THSD7A: variants seen among roughly 807,000 people sequenced by gnomAD.
The protein encoded by THSD7A is thrombospondin type 1 domain containing 7A, also known as thrombospondin type-1 domain-containing protein 7A.
A neutral mutation model predicts 231.3 loss-of-function variants in THSD7A; 96 were observed. That is an observed-to-expected ratio of 0.41 (90% CI 0.35 to 0.49). THSD7A has a LOEUF of 0.49. Ranked by LOEUF, THSD7A falls within the 20% of genes least tolerant of loss-of-function variation. The pLI is 0.05. For missense variants in THSD7A, 2,290 were observed against 2,070.2 expected, an observed-to-expected ratio of 1.11 and a Z score of -2.06; for synonymous variants, 940 against 743.3, an observed-to-expected ratio of 1.26 and a Z score of -4.30.
chr7:11,733,145 G>A (rs2355074), intron 1 of THSD7A, among the ~76,000 whole-genome samples: 110,837 of 151,600 alleles, frequency 0.73, 40,587 homozygotes, highest in South Asian at 0.79. Context: ...CCTCTGCTGG[G>A]TCCTGTCCTG....
rs149265687 is a variant in THSD7A at position 11,596,728 on chromosome 7, G to A, written c.1023-3226C>T. Among the ~76,000 whole-genome samples the A allele has an allele frequency of 4.3e-3, 649 of 152,336 alleles. 2 individuals carry two copies. Among genetic ancestry groups the A allele is most frequent in the African/African-American group, 5.5e-3 (229 of 41,580 alleles). On this transcript the variant is annotated intron_variant, in intron 2 of 27. Coordinates refer to ENST00000423059, the MANE Select transcript of THSD7A (RefSeq NM_015204.3). ...CATTTGGCCTGTGCAGAAGACAGAT[G>A]GATCTTGGAGAATGACAGTGGATTA...
intron 1 of THSD7A, among the ~76,000 whole-genome samples, chr7:11,688,418 A>G (rs939763247): frequency 5.3e-5 from 8 of 151,804 alleles, no homozygotes; most frequent in African/African-American, 1.9e-4. Flanking sequence ...TTAAAACTCA[A>G]TCGCTTATAG....
intron 2 of THSD7A, among the ~76,000 whole-genome samples, chr7:11,607,792 G>A (rs1780781853): frequency 6.6e-6 from 1 of 152,060 alleles, no homozygotes; most frequent in Admixed American, 6.6e-5. Context: ...TAAAAACAGA[G>A]GTCTTTTCCC....
intron 1 of THSD7A, among the ~76,000 whole-genome samples, chr7:11,726,712 C>T (rs1366365240): frequency 6.6e-6 from 1 of 152,012 alleles, no homozygotes; most frequent in Non-Finnish European, 1.5e-5. Context: ...GCTGTTTTAT[C>T]TGCAAATACC....
chr7:11,617,112 CA>C (rs1781133434), intron 2 of THSD7A, among the ~76,000 whole-genome samples: 1 of 152,144 alleles, frequency 6.6e-6, no homozygotes, highest in South Asian at 2.1e-4. Context: ...AAGACTTCCT[CA>C]AACCAAAAGT....
intron 1 of THSD7A, among the ~76,000 whole-genome samples, chr7:11,700,799 G>A (rs183087789): frequency 6.6e-4 from 100 of 151,002 alleles, no homozygotes; most frequent in African/African-American, 1.5e-3. Flanking sequence ...ATTCATGACC[G>A]CTCCACAGCC....
chr7:11,788,723 A>G (rs1783863401), intron 1 of THSD7A, among the ~76,000 whole-genome samples: 1 of 151,996 alleles, frequency 6.6e-6, no homozygotes, highest in Non-Finnish European at 1.5e-5. Context: ...TTTCATTTTT[A>G]CTACTCACTT....
intron 13 of THSD7A, among the ~76,000 whole-genome samples, chr7:11,433,350 T>C (rs770826574): frequency 6.6e-6 from 1 of 151,956 alleles, no homozygotes; most frequent in African/African-American, 2.4e-5. Flanking sequence ...GCCCAAAAAA[T>C]AACTCTTCTT....
At chr7:11,716,857 T>C (rs1584253741) in intron 1 of THSD7A, among the ~76,000 whole-genome samples, 1 of 151,688 alleles carries the variant, frequency 6.6e-6, no homozygotes, top group East Asian at 2.0e-4. Flanking sequence ...AAAAAGCGTA[T>C]GTAATACAAA....
chr7:11,644,853 C>G (rs1018241314), intron 1 of THSD7A, among the ~76,000 whole-genome samples: 1 of 151,826 alleles, frequency 6.6e-6, no homozygotes, highest in Non-Finnish European at 1.5e-5. Flanking sequence ...AAGCTAAGTA[C>G]CAATAGTATG....
intron 1 of THSD7A, among the ~76,000 whole-genome samples, chr7:11,734,126 A>G (rs1257116215): frequency 2.6e-5 from 4 of 151,902 alleles, no homozygotes; most frequent in Non-Finnish European, 5.9e-5. Context: ...CCCAAATCCA[A>G]GGAAATTCAA....
intron 7 of THSD7A, among the ~76,000 whole-genome samples, chr7:11,480,875 A>C (rs2128304559): frequency 6.6e-6 from 1 of 152,288 alleles, no homozygotes; most frequent in South Asian, 2.1e-4. Context: ...AAAACATAAA[A>C]TGTTATGCTT....
At chr7:11,519,147 G>A (rs1360043636) in intron 6 of THSD7A, among the ~76,000 whole-genome samples, 1 of 150,844 alleles carries the variant, frequency 6.6e-6, no homozygotes, top group African/African-American at 2.5e-5. Context: ...AAAAGTTATA[G>A]ACAGTAATGT....
At chr7:11,669,051 A>G (rs1783269650) in intron 1 of THSD7A, among the ~76,000 whole-genome samples, 1 of 152,138 alleles carries the variant, frequency 6.6e-6, no homozygotes, top group South Asian at 2.1e-4. Flanking sequence ...CAAACTATTT[A>G]TTACTTAGTA....
intron 13 of THSD7A, among the ~76,000 whole-genome samples, chr7:11,441,430 T>C (rs756770921): frequency 2.6e-5 from 4 of 152,010 alleles, no homozygotes; most frequent in Non-Finnish European, 5.9e-5. Flanking sequence ...ACCTCTAAGA[T>C]TGTTTAAAAT....
At chr7:11,515,616 T>G (rs1295010963) in intron 6 of THSD7A, among the ~76,000 whole-genome samples, 1 of 152,112 alleles carries the variant, frequency 6.6e-6, no homozygotes, top group South Asian at 2.1e-4. Context: ...GCTATTGTCA[T>G]AGAAAATTAA....
intron 9 of THSD7A, among the ~76,000 whole-genome samples, chr7:11,466,380 ATTTAC>A (rs1451564732): frequency 6.6e-6 from 1 of 152,058 alleles, no homozygotes. Flanking sequence ...ACCTCATGCC[ATTTAC>A]TTTATTTTCT....
intron 1 of THSD7A, among the ~76,000 whole-genome samples, chr7:11,664,837 T>A (rs907754493): frequency 3.3e-5 from 5 of 152,026 alleles, no homozygotes; most frequent in African/African-American, 9.7e-5. Flanking sequence ...CTTGAGAGCC[T>A]CTTATCTCTG....
chr7:11,774,666 A>G (rs1003364408), intron 1 of THSD7A, among the ~76,000 whole-genome samples: 1 of 152,210 alleles, frequency 6.6e-6, no homozygotes, highest in Non-Finnish European at 1.5e-5. Context: ...TTGTATGTCA[A>G]TTATAACTCA....
Sources: gnomAD v4.1 joint callset for allele counts (sites outside exome capture counted in the v4.1 genomes callset) on GRCh38, gnomAD v4.1.1 for gene constraint, MANE v1.5 for transcripts, NCBI Gene and HGNC (gene_info 2026-07-23, HGNC 2026-07-21) for gene names.